The following DENND1B variants were observed in gnomAD, a reference collection of about 807,000 sequenced individuals.
DENND1B encodes the protein DENN domain-containing protein 1B.
Under a neutral mutation model 90.1 loss-of-function variants are expected in DENND1B, and 59 were observed. The ratio of observed to expected loss-of-function variants is 0.65; its 90% CI spans 0.53 to 0.81. DENND1B has a LOEUF of 0.81. Among genes scored for constraint, DENND1B ranks in the 40% least tolerant of loss-of-function variants. DENND1B has a pLI of 0.00. For synonymous variants in DENND1B, 337 were observed against 324.6 expected, an observed-to-expected ratio of 1.04 and a Z score of -0.41; for missense variants, 862 against 912.6, an observed-to-expected ratio of 0.94 and a Z score of 0.71.
chr1:197,721,467 A>G lies in DENND1B; in HGVS notation c.83-6393T>C, dbSNP rs566784611. On this transcript the variant is annotated intron_variant, in intron 2 of 22. Coordinates refer to ENST00000620048, the MANE Select transcript of DENND1B (RefSeq NM_001195215.2). Reference sequence around the variant, plus strand: ...ACAGCATGGACTATGTATCTCTCACAATGATTAGCATTATGCGTCACATGT... The same window carrying G: ...ACAGCATGGACTATGTATCTCTCACGATGATTAGCATTATGCGTCACATGT... Among the ~76,000 whole-genome samples, 4 of 152,150 alleles carry G rather than the reference A, an allele frequency of 2.6e-5. No individual in the cohort carries two copies. In the South Asian group the frequency reaches 8.3e-4, roughly 32 times the overall value.
At chr1:197,511,513 T>A (rs879645660) in intron 22 of DENND1B, among the ~76,000 whole-genome samples, 10 of 151,684 alleles carry the variant, frequency 6.6e-5, no homozygotes, top group Non-Finnish European at 1.0e-4. Context: ...TTAATGACAA[T>A]AACCACTAGA....
At chr1:197,747,148 C>G in intron 2 of DENND1B, 1 of 763,592 alleles carries the variant, frequency 1.3e-6, no homozygotes, top group South Asian at 1.4e-5. Flanking sequence ...GGAGCGTTTT[C>G]TTTTTTTCCC....
intron 10 of DENND1B, among the ~76,000 whole-genome samples, chr1:197,624,614 C>T (rs182521195): frequency 4.1e-4 from 62 of 151,888 alleles, no homozygotes; most frequent in Admixed American, 3.6e-3. Context: ...GAGCGCCTCT[C>T]CTCCTCCAAA....
In DENND1B at chr1:197,512,926, G is replaced by A; in HGVS notation, c.1543C>T (p.Leu515Phe). The A allele has an allele frequency of 6.2e-7, 1 of 1,610,090 alleles. No individual in the cohort carries two copies. Among genetic ancestry groups the A allele is most frequent in the Non-Finnish European group, 8.5e-7 (1 of 1,177,770 alleles). Residue 515 changes from leucine to phenylalanine, a missense_variant, in exon 21 of 23, where the codon CTT becomes TTT. By Grantham distance (22) the Leu-to-Phe change is conservative. Transcript: ENST00000620048. ...TCATCATCATATAGAGCACCATCAAGGCTCTTAAGAGGCCTTTTTAAGCGT... is the reference window on the plus strand; with the variant it reads ...TCATCATCATATAGAGCACCATCAAAGCTCTTAAGAGGCCTTTTTAAGCGT... ...QARLKRPLKS[L>F]DGALYDDEDD...
intron 14 of DENND1B, among the ~76,000 whole-genome samples, chr1:197,584,655 C>T (rs1674535420): frequency 6.6e-6 from 1 of 152,180 alleles, no homozygotes; most frequent in South Asian, 2.1e-4. Context: ...CATTTTTATA[C>T]AGATGATTGC....
chr1:197,552,200 A>G, intron 16 of DENND1B: 3 of 979,028 alleles, frequency 3.1e-6, no homozygotes, highest in Non-Finnish European at 2.4e-6. Context: ...ACAAACATAC[A>G]AAGAAGTTTA....
chr1:197,615,273 G>A (rs552684983), intron 11 of DENND1B, among the ~76,000 whole-genome samples: 62 of 151,200 alleles, frequency 4.1e-4, no homozygotes, highest in African/African-American at 1.5e-3. Flanking sequence ...AGTGTTTAAT[G>A]AACAAGTGAA....
At chr1:197,754,006 C>CAATAA (rs1049360561) in intron 2 of DENND1B, among the ~76,000 whole-genome samples, 6 of 151,132 alleles carry the variant, frequency 4.0e-5, no homozygotes, top group South Asian at 4.2e-4. Context: ...ATCAAAAAAA[C>CAATAA]AATAAAATAA....
intron 3 of DENND1B, among the ~76,000 whole-genome samples, chr1:197,682,184 T>C (rs187378722): frequency 9.2e-5 from 14 of 152,184 alleles, no homozygotes; most frequent in African/African-American, 2.9e-4. Flanking sequence ...CTAGTTCTTA[T>C]ATTCTGGCGT....
At chr1:197,750,989 T>C (rs1653428559) in intron 2 of DENND1B, among the ~76,000 whole-genome samples, 1 of 152,082 alleles carries the variant, frequency 6.6e-6, no homozygotes, top group African/African-American at 2.4e-5. Flanking sequence ...AACCCACAAT[T>C]ACAGTTGGAA....
intron 2 of DENND1B, among the ~76,000 whole-genome samples, chr1:197,737,820 C>T (rs1400939609): frequency 2.6e-5 from 4 of 152,120 alleles, no homozygotes; most frequent in Non-Finnish European, 5.9e-5. Context: ...GCTATGTCTT[C>T]CTGTTGAGTT....
At chr1:197,634,967 C>T (rs909379003) in intron 10 of DENND1B, among the ~76,000 whole-genome samples, 2 of 146,242 alleles carry the variant, frequency 1.4e-5, no homozygotes, top group Admixed American at 1.4e-4. Flanking sequence ...ACTCCAACAC[C>T]TTGGCGACAA....
At chr1:197,642,918 GTAT>G (rs1391748382) in intron 9 of DENND1B, 97 bp from the exon 10 acceptor site, 4 of 720,594 alleles carry the variant, frequency 5.6e-6, no homozygotes, top group Non-Finnish European at 9.1e-6. Context: ...AGTTCAAAGG[GTAT>G]TATTATTTAA....
At chr1:197,575,488 T>C (rs1344658389) in intron 15 of DENND1B, among the ~76,000 whole-genome samples, 1 of 152,102 alleles carries the variant, frequency 6.6e-6, no homozygotes. Flanking sequence ...TTGGTGGGAG[T>C]ATAAATTAGT....
intron 15 of DENND1B, among the ~76,000 whole-genome samples, chr1:197,553,612 C>A (rs1671441756): frequency 6.6e-6 from 1 of 152,162 alleles, no homozygotes; most frequent in Admixed American, 6.6e-5. Context: ...AGATGTTAGA[C>A]ATTACCTGTT....
intron 10 of DENND1B, among the ~76,000 whole-genome samples, chr1:197,622,228 G>C (rs1329926973): frequency 6.6e-6 from 1 of 151,310 alleles, no homozygotes; most frequent in Non-Finnish European, 1.5e-5. Flanking sequence ...CATGTGCCAA[G>C]AACTGTTATG....
At chr1:197,539,581 A>C (rs980832698) in intron 20 of DENND1B, among the ~76,000 whole-genome samples, 10 of 152,238 alleles carry the variant, frequency 6.6e-5, no homozygotes, top group African/African-American at 2.4e-4. Context: ...TTCAGATTTT[A>C]ATTTCTATAG....
chr1:197,568,569 T>G (rs562661316), intron 15 of DENND1B, among the ~76,000 whole-genome samples: 11 of 152,114 alleles, frequency 7.2e-5, no homozygotes, highest in African/African-American at 2.4e-4. Flanking sequence ...GGAGCAAAGC[T>G]GGAGACATCA....
intron 13 of DENND1B, among the ~76,000 whole-genome samples, chr1:197,600,130 A>C (rs1676067958): frequency 6.6e-6 from 1 of 151,904 alleles, no homozygotes; most frequent in African/African-American, 2.4e-5. Context: ...GATGTTCCTG[A>C]TACACTGAGC....
Sources: gnomAD v4.1 joint callset for allele counts (sites outside exome capture counted in the v4.1 genomes callset) on GRCh38, gnomAD v4.1.1 for gene constraint, MANE v1.5 for transcripts, NCBI Gene and HGNC (gene_info 2026-07-23, HGNC 2026-07-21) for gene names.